SYNE1: variants seen among roughly 807,000 people sequenced by gnomAD.
SYNE1 encodes the protein spectrin repeat containing nuclear envelope protein 1.
SYNE1 carries 616 observed loss-of-function variants against 1,111.0 expected under a neutral mutation model. The ratio of observed to expected loss-of-function variants is 0.55; its 90% CI spans 0.52 to 0.59. The LOEUF (loss-of-function observed/expected upper bound fraction) is 0.59. Among genes scored for constraint, SYNE1 ranks in the 20% least tolerant of loss-of-function variants. SYNE1 has a pLI of 0.00. For synonymous variants in SYNE1, 3,855 were observed against 3,825.8 expected (o/e 1.01, Z -0.28); for missense variants, 10,006 against 10,417.0 (o/e 0.96, Z 1.72).
intron 98 of SYNE1, among the ~76,000 whole-genome samples, chr6:152,275,031 T>C (rs898055977): frequency 1.4e-4 from 22 of 152,154 alleles, no homozygotes; most frequent in Non-Finnish European, 2.9e-4. Context: ...CCCAGCTTCC[T>C]TAGTAGCTGG....
chr6:152,138,556 T>TAAAC (rs2057667791), intron 140 of SYNE1, among the ~76,000 whole-genome samples: 1 of 137,454 alleles, frequency 7.3e-6, no homozygotes, highest in Non-Finnish European at 1.6e-5. Context: ...AATAAATAAA[T>TAAAC]AAAATAAAAC....
chr6:152,259,491 T>C (rs1433045759), intron 101 of SYNE1, among the ~76,000 whole-genome samples: 1 of 152,116 alleles, frequency 6.6e-6, no homozygotes, highest in African/African-American at 2.4e-5. Flanking sequence ...CATATGAAAC[T>C]AGTAAGTATT....
chr6:152,296,749 G>C (rs2094899784), intron 93 of SYNE1, among the ~76,000 whole-genome samples: 1 of 152,146 alleles, frequency 6.6e-6, no homozygotes, highest in South Asian at 2.1e-4. Context: ...TTCGTAGCTT[G>C]TTTTGCAAAC....
chr6:152,292,630 A>G (rs1217415806), intron 95 of SYNE1, among the ~76,000 whole-genome samples: 2 of 152,238 alleles, frequency 1.3e-5, no homozygotes, highest in Non-Finnish European at 2.9e-5. Context: ...TGCTTCCAAA[A>G]CTAGAAAGAT....
intron 3 of SYNE1, among the ~76,000 whole-genome samples, chr6:152,614,374 A>G (rs1230342197): frequency 1.3e-5 from 2 of 152,258 alleles, no homozygotes; most frequent in Non-Finnish European, 2.9e-5. Context: ...CAACAGACAC[A>G]TGAAAAAATG....
chr6:152,164,013 T>C lies in SYNE1; in HGVS notation c.23790+150A>G, dbSNP rs963006208. On this transcript the variant is annotated intron_variant, in intron 131 of 145. Transcript: ENST00000367255. ...ATGGAACCTGTTGGCCTCAATCGCC[T>C]GCCTAGGCAAAGCCCCCTTCCTCAC... The C allele has an allele frequency of 1.1e-5, 11 of 1,043,694 alleles. 1 individual carries two copies. The South Asian group carries it at 1.4e-4, about 14-fold the overall frequency. The allele number at this position is 1,043,694 out of a possible 1,614,324, so 64.7% of individuals were successfully genotyped here. A position where few individuals can be genotyped will look rare whatever the true frequency, so the allele number is the denominator to read the frequency against.
intron 3 of SYNE1, among the ~76,000 whole-genome samples, chr6:152,562,226 A>G (rs1448187355): frequency 6.6e-6 from 1 of 152,140 alleles, no homozygotes; most frequent in Non-Finnish European, 1.5e-5. Flanking sequence ...AAACAAACAA[A>G]GAAAACGGGC....
At position 152,471,594 on chromosome 6, in the gene SYNE1, C is replaced by T. The variant is rs1461451263; in HGVS notation, c.1632+3G>A. 6.2e-7 allele frequency: 1 copy of T among 1,613,642 alleles called. No homozygotes were observed. Among genetic ancestry groups the T allele is most frequent in the Admixed American group, 1.7e-5 (1 of 59,990 alleles). ...ATTCTCTGTCAAAGCACGGGGGACTCACCACGTAGTTTTGTAGAAGCTGCT... is the reference window on the plus strand; with the variant it reads ...ATTCTCTGTCAAAGCACGGGGGACTTACCACGTAGTTTTGTAGAAGCTGCT... On this transcript the variant is annotated splice_donor_region_variant and intron_variant, in intron 16 of 145. Transcript: ENST00000367255.
intron 16 of SYNE1, among the ~76,000 whole-genome samples, chr6:152,466,711 T>C (rs548890594): frequency 6.6e-6 from 1 of 152,072 alleles, no homozygotes; most frequent in East Asian, 1.9e-4. Context: ...AAATTGAGAA[T>C]AGACAAAAAA....
intron 130 of SYNE1, chr6:152,168,358 TGACAA>T (rs779868588): frequency 4.4e-5 from 26 of 584,932 alleles, no homozygotes; most frequent in Non-Finnish European, 7.0e-5. Flanking sequence ...CACTGGGCAG[TGACAA>T]GTGGTCATGT....
At position 152,318,133 on chromosome 6, in the gene SYNE1, A is replaced by C. The variant is rs2095782134; in HGVS notation, c.16520T>G (p.Leu5507Arg). ...LAKKIGKLTE[L>R]HQQTIRQAEN... is the part of the protein sequence containing the mutation. Reference sequence around the variant, plus strand: ...AGCTTGTCTAATGGTCTGCTGGTGAAGTTCAGTCAGTTTTCCTATCTTCTT... The same window carrying C: ...AGCTTGTCTAATGGTCTGCTGGTGACGTTCAGTCAGTTTTCCTATCTTCTT... Residue 5507 changes from leucine to arginine, a missense_variant, in exon 86 of 146, where the codon CTT becomes CGT. Coordinates refer to ENST00000367255, the MANE Select transcript of SYNE1 (RefSeq NM_182961.4). 6.2e-7 allele frequency: 1 copy of C among 1,614,198 alleles called. No homozygotes were observed. Among genetic ancestry groups the C allele is most frequent in the African/African-American group, 1.3e-5 (1 of 75,042 alleles).
Position 152,401,119 on chromosome 6 carries a change from A to G in SYNE1, c.7029+19T>C, listed in dbSNP as rs2097808048. The G allele has an allele frequency of 5.0e-6, 8 of 1,611,470 alleles. No homozygotes were observed. Among genetic ancestry groups the G allele is most frequent in the Non-Finnish European group, 6.8e-6 (8 of 1,177,846 alleles). Reference sequence around the variant, plus strand: ...ATCACCATTTGAATGGAAGCACTTAATGATAGTTTATTACCTACCTTGACT... The same window carrying G: ...ATCACCATTTGAATGGAAGCACTTAGTGATAGTTTATTACCTACCTTGACT... On this transcript the variant is annotated intron_variant, in intron 47 of 145. Coordinates refer to ENST00000367255, the MANE Select transcript of SYNE1 (RefSeq NM_182961.4).
At position 152,248,342 on chromosome 6, in the gene SYNE1, C is replaced by T. The variant is rs1273300257; in HGVS notation, c.19572+819G>A. Among the ~76,000 whole-genome samples, 5 of 152,044 alleles carry T rather than the reference C, an allele frequency of 3.3e-5. No individual in the cohort carries two copies. In the East Asian group the frequency reaches 9.6e-4, roughly 29 times the overall value. ...CATTAATTTTCAATTTTGGTTGTAGCATGTACACAAACAAAAATTGAAAAT... is the reference window on the plus strand; with the variant it reads ...CATTAATTTTCAATTTTGGTTGTAGTATGTACACAAACAAAAATTGAAAAT... On this transcript the variant is annotated intron_variant, in intron 105 of 145. Coordinates refer to ENST00000367255, the MANE Select transcript of SYNE1 (RefSeq NM_182961.4).
In SYNE1 at chr6:152,331,364, C is replaced by G. The variant is rs1191241476; in HGVS notation, c.13321G>C (p.Val4441Leu). Residue 4441 changes from valine to leucine, a missense_variant, in exon 78 of 146, where the codon GTG becomes CTG. Transcript: ENST00000367255. ...TTTAAGTACTTTCTTCGCTGGCCCACTAAGTCACTGAGACAATTCACGTGG... is the reference window on the plus strand; with the variant it reads ...TTTAAGTACTTTCTTCGCTGGCCCAGTAAGTCACTGAGACAATTCACGTGG... ...QSHVNCLSDL[V>L]GQRRKYLNKA... 6.2e-7 allele frequency: 1 copy of G among 1,614,070 alleles called. No individual in the cohort carries two copies. Among genetic ancestry groups the G allele is most frequent in the African/African-American group, 1.3e-5 (1 of 74,904 alleles).
chr6:152,613,835 A>G (rs1158394389), intron 3 of SYNE1, among the ~76,000 whole-genome samples: 2 of 152,168 alleles, frequency 1.3e-5, no homozygotes, highest in East Asian at 1.9e-4. Flanking sequence ...AACACCACAC[A>G]TCTACAACCA....
chr6:152,368,316 T>TA (rs1166018093), intron 61 of SYNE1: 1 of 153,006 alleles, frequency 6.5e-6, no homozygotes, highest in East Asian at 1.9e-4. Context: ...CGTTACCATC[T>TA]ACGTCAAAAT....
intron 124 of SYNE1, among the ~76,000 whole-genome samples, chr6:152,208,683 G>C (rs2076978181): frequency 6.6e-6 from 1 of 152,134 alleles, no homozygotes; most frequent in East Asian, 1.9e-4. Context: ...ATCAAATTAT[G>C]TAATTTAAAA....
chr6:152,326,135 C>A (rs572776294), intron 79 of SYNE1, 33 bp from the exon 80 acceptor site: 17 of 1,614,018 alleles, frequency 1.1e-5, no homozygotes, highest in Non-Finnish European at 1.4e-5. Flanking sequence ...TGATAAGTAG[C>A]ACGAAATCAC....
chr6:152,607,575 G>A (rs558009467), intron 3 of SYNE1, among the ~76,000 whole-genome samples: 36 of 152,094 alleles, frequency 2.4e-4, no homozygotes, highest in Non-Finnish European at 4.0e-4. Context: ...AAATAGGAAC[G>A]CTTTTACACT....
Sources: gnomAD v4.1 joint callset for allele counts (sites outside exome capture counted in the v4.1 genomes callset) on GRCh38, gnomAD v4.1.1 for gene constraint, MANE v1.5 for transcripts, NCBI Gene and HGNC (gene_info 2026-07-23, HGNC 2026-07-21) for gene names.